Variants in QRICH1 observed in about 807,000 individuals in gnomAD.
QRICH1 encodes the protein glutamine rich 1, also known as transcriptional regulator QRICH1.
A neutral mutation model predicts 87.1 loss-of-function variants in QRICH1; 16 were observed. That is an observed-to-expected ratio of 0.18 (90% CI 0.12 to 0.28). The LOEUF (loss-of-function observed/expected upper bound fraction) is 0.28, where lower values mean the gene tolerates loss of function less well. Ranked by LOEUF, QRICH1 falls within the 10% of genes least tolerant of loss-of-function variation. The pLI, the probability that QRICH1 is intolerant of heterozygous loss-of-function variation, is 1.00. For missense variants in QRICH1, 647 were observed against 951.7 expected, an observed-to-expected ratio of 0.68 and a Z score of 4.21; for synonymous variants, 367 against 368.4, an observed-to-expected ratio of 1.00 and a Z score of 0.05.
chr3:49,067,741 G>T (rs890444011), intron 2 of QRICH1, among the ~76,000 whole-genome samples: 1 of 152,092 alleles, frequency 6.6e-6, no homozygotes, highest in Admixed American at 6.6e-5. Context: ...AGCACTTTGG[G>T]AGGCCAAGGC....
At chr3:49,065,376 C>A (rs895179607) in intron 2 of QRICH1, among the ~76,000 whole-genome samples, 11 of 152,172 alleles carry the variant, frequency 7.2e-5, no homozygotes, top group Non-Finnish European at 1.3e-4. Flanking sequence ...AACGCCTGAC[C>A]TCAAAGTGAT....
chr3:49,056,802 T>C (rs1301174023), intron 3 of QRICH1, 60 bp downstream of exon 3: 1 of 1,612,364 alleles, frequency 6.2e-7, no homozygotes, highest in South Asian at 1.1e-5. Context: ...AGGCAAGCTC[T>C]GTGCTGCACT....
chr3:49,050,266 A>G (rs1355904380), intron 3 of QRICH1, among the ~76,000 whole-genome samples: 2 of 141,574 alleles, frequency 1.4e-5, no homozygotes, highest in Non-Finnish European at 3.0e-5. Flanking sequence ...AAAAAAAAAA[A>G]AAAAAAATTA....
rs2093449905 is a variant in QRICH1, at chr3:49,063,854, T to TACAGGC, written c.310-5965_310-5964insGCCTGT. Among the ~76,000 whole-genome samples the TACAGGC allele has an allele frequency of 3.3e-5, 5 of 152,302 alleles. No individual in the cohort carries two copies. In the South Asian group the frequency reaches 8.3e-4, roughly 25 times the overall value. On this transcript the variant is annotated intron_variant, in intron 2 of 9. Transcript: ENST00000395443. ...CCCAAAAGAACTTGTTTACATAGGT[T>TACAGGC]ATATCTAGTAATATTTACTTGTACT...
intron 5 of QRICH1, among the ~76,000 whole-genome samples, chr3:49,045,913 TTTC>T (rs940962262): frequency 2.0e-5 from 3 of 150,888 alleles, no homozygotes; most frequent in African/African-American, 7.3e-5. Context: ...TTTCTTTTCT[TTTC>T]TTTTTTTTTT....
intron 1 of QRICH1, among the ~76,000 whole-genome samples, chr3:49,080,409 CAAAT>C (rs2042035304): frequency 1.3e-5 from 2 of 151,828 alleles, no homozygotes; most frequent in South Asian, 4.1e-4. Flanking sequence ...TGGGAAAAAA[CAAAT>C]GACTAAACAC....
At chr3:49,034,744 C>T (rs1241168247) in intron 6 of QRICH1, among the ~76,000 whole-genome samples, 2 of 152,212 alleles carry the variant, frequency 1.3e-5, no homozygotes, top group African/African-American at 4.8e-5. Flanking sequence ...CCTGGTCAGC[C>T]AGGTCTGCAC....
At chr3:49,038,859 T>C (rs1033424141) in intron 6 of QRICH1, among the ~76,000 whole-genome samples, 1 of 152,008 alleles carries the variant, frequency 6.6e-6, no homozygotes, top group Admixed American at 6.6e-5. Context: ...AAACCTCGTC[T>C]CTACTAAAAT....
intron 2 of QRICH1, among the ~76,000 whole-genome samples, chr3:49,075,079 T>A (rs2041924340): frequency 6.6e-6 from 1 of 151,422 alleles, no homozygotes; most frequent in South Asian, 2.1e-4. Context: ...CTCAGCTCTT[T>A]GGGAGGCCAA....
At chr3:49,035,572 G>C (rs1356253513) in intron 6 of QRICH1, among the ~76,000 whole-genome samples, 1 of 151,718 alleles carries the variant, frequency 6.6e-6, no homozygotes, top group Non-Finnish European at 1.5e-5. Context: ...GGAAGCCAAG[G>C]TAGGAGGACT....
intron 1 of QRICH1, chr3:49,083,602 A>AGG (rs1405311104): frequency 2.6e-5 from 4 of 151,980 alleles, no homozygotes; most frequent in African/African-American, 4.8e-5. Flanking sequence ...AACCATTAGA[A>AGG]AATATCAATA....
intron 2 of QRICH1, among the ~76,000 whole-genome samples, chr3:49,075,817 C>T (rs2041939597): frequency 6.6e-6 from 1 of 151,990 alleles, no homozygotes; most frequent in African/African-American, 2.4e-5. Context: ...TAGTGCACAC[C>T]TGTAGTCCCA....
At chr3:49,034,458 G>GA (rs1237732491) in intron 6 of QRICH1, among the ~76,000 whole-genome samples, 5 of 150,916 alleles carry the variant, frequency 3.3e-5, no homozygotes, top group South Asian at 2.1e-4. Flanking sequence ...AAAAAAAAGG[G>GA]AAAAAAAAGA....
At chr3:49,046,725 CCT>C in intron 4 of QRICH1, 146 bp from the exon 5 acceptor site, 1 of 933,268 alleles carries the variant, frequency 1.1e-6, no homozygotes, top group Non-Finnish European at 1.6e-6. Flanking sequence ...TCAGAACTGG[CCT>C]ATAACATGAG....
At chr3:49,068,749 C>G (rs1243128394) in intron 2 of QRICH1, among the ~76,000 whole-genome samples, 1 of 151,708 alleles carries the variant, frequency 6.6e-6, no homozygotes, top group African/African-American at 2.4e-5. Context: ...CAGCCTCAGC[C>G]TCCTGAGTAG....
Position 49,047,231 on chromosome 3 carries a change from C to T in QRICH1, c.1354G>A (p.Val452Ile). ...TGTGACTGTGGTTCAACTTCAGCAA[C>T]CTGGACAGTTTGAGCCTATAGGAGA... ...QVTCSAQTVQVAEVEPQSQPQ... is the reference protein window; with the variant it reads ...QVTCSAQTVQIAEVEPQSQPQ... Residue 452 changes from valine (V) to isoleucine (I), a missense_variant, in exon 4 of 10, where the codon GTT becomes ATT. Physicochemically the swap from Val to Ile is conservative, Grantham distance 29 (BLOSUM62 3). Coordinates refer to ENST00000395443, the MANE Select transcript of QRICH1 (RefSeq NM_198880.3). The T allele has an allele frequency of 6.2e-7, 1 of 1,613,962 alleles. No homozygotes were observed. Among genetic ancestry groups the T allele is most frequent in the Non-Finnish European group, 8.5e-7 (1 of 1,179,898 alleles).
At chr3:49,052,996 G>A (rs1263121919) in intron 3 of QRICH1, among the ~76,000 whole-genome samples, 1 of 152,202 alleles carries the variant, frequency 6.6e-6, no homozygotes, top group Admixed American at 6.5e-5. Flanking sequence ...GCAGCAGCAA[G>A]AATCATCTGG....
chr3:49,037,820 CAT>C (rs891691204), intron 6 of QRICH1, among the ~76,000 whole-genome samples: 2 of 145,074 alleles, frequency 1.4e-5, no homozygotes, highest in African/African-American at 5.1e-5. Context: ...CTCTACCAGA[CAT>C]ATAAAAATTA....
intron 2 of QRICH1, among the ~76,000 whole-genome samples, chr3:49,072,301 TATAAAG>T (rs2041850195): frequency 6.6e-6 from 1 of 151,726 alleles, no homozygotes; most frequent in African/African-American, 2.4e-5. Context: ...AGTAAATAAA[TATAAAG>T]ATAAAAAATG....
Sources: allele counts gnomAD v4.1 joint callset (sites outside exome capture counted in the v4.1 genomes callset), GRCh38; gene constraint gnomAD v4.1.1; transcripts MANE v1.5; gene names NCBI Gene and HGNC (gene_info 2026-07-23, HGNC 2026-07-21).